MAF: variants seen among roughly 807,000 people sequenced by gnomAD.
The protein encoded by MAF is transcription factor Maf.
Under a neutral mutation model 22.0 loss-of-function variants are expected in MAF, and 10 were observed. The ratio of observed to expected loss-of-function variants is 0.45; its 90% confidence interval spans 0.28 to 0.77. The LOEUF is 0.77. Among genes scored for constraint, MAF ranks in the 30% least tolerant of loss-of-function variants. The probability of loss-of-function intolerance (pLI) is 0.12; values close to 1 mark genes in which losing one functional copy is unlikely to be tolerated. For synonymous variants in MAF, 337 were observed against 255.8 expected, an observed-to-expected ratio of 1.32 and a Z score of -3.03; for missense variants, 544 against 548.4, an observed-to-expected ratio of 0.99 and a Z score of 0.08.
chr16:79,334,988 C>A, the MAF span, among the ~76,000 whole-genome samples: 1 of 151,580 alleles, frequency 6.6e-6, no homozygotes, highest in African/African-American at 2.4e-5. Context: ...AGATTGAGAC[C>A]AGCCTGGCCA....
the MAF span, among the ~76,000 whole-genome samples, chr16:79,314,014 T>G: frequency 6.6e-6 from 1 of 152,166 alleles, no homozygotes; most frequent in African/African-American, 2.4e-5. Context: ...CAGCTTTTGG[T>G]GGACTGGTGA....
chr16:79,215,904 G>C, the MAF span, among the ~76,000 whole-genome samples: 1 of 152,150 alleles, frequency 6.6e-6, no homozygotes. Flanking sequence ...CGTAACAGTA[G>C]CGATTGCCCC....
the MAF span, among the ~76,000 whole-genome samples, chr16:79,465,650 C>T: frequency 3.3e-5 from 5 of 152,076 alleles, no homozygotes; most frequent in Admixed American, 6.6e-5. Context: ...CTTGTAAACA[C>T]ATATTATTAT....
the MAF span, among the ~76,000 whole-genome samples, chr16:79,425,650 A>G: frequency 6.1e-5 from 9 of 146,392 alleles, no homozygotes; most frequent in East Asian, 1.9e-3. Context: ...TCATATATGG[A>G]GCATCAATTT....
At chr16:79,212,157 A>G in the MAF span, 10 of 1,502,854 alleles carry the variant, frequency 6.7e-6, no homozygotes, top group Non-Finnish European at 8.8e-6. Context: ...CCATCCAGCT[A>G]CCACCACGGC....
the MAF span, chr16:79,204,025 C>G: frequency 3.9e-5 from 6 of 152,106 alleles, no homozygotes; most frequent in African/African-American, 1.4e-4. Flanking sequence ...CAGTGACATG[C>G]CATCAGATTT....
the MAF span, among the ~76,000 whole-genome samples, chr16:79,462,644 C>T: frequency 1.3e-5 from 2 of 152,204 alleles, no homozygotes; most frequent in Non-Finnish European, 2.9e-5. Context: ...TATACAAACA[C>T]ACTCACATAT....
the MAF span, among the ~76,000 whole-genome samples, chr16:79,416,862 A>G: frequency 1.3e-5 from 2 of 152,196 alleles, no homozygotes; most frequent in Non-Finnish European, 2.9e-5. Context: ...ATGAAGTGTT[A>G]TATAGTTTTA....
the MAF span, among the ~76,000 whole-genome samples, chr16:79,495,365 A>T: frequency 3.9e-5 from 6 of 152,264 alleles, no homozygotes; most frequent in South Asian, 1.0e-3. Flanking sequence ...CAGGAAGCTG[A>T]GGTAGGAGGA....
At chr16:79,211,919 AG>A in the MAF span, 3 of 1,543,664 alleles carry the variant, frequency 1.9e-6, no homozygotes, top group Non-Finnish European at 2.6e-6. Context: ...AGGAAATAAG[AG>A]CAGTCACAAC....
chr16:79,209,143 T>G, the MAF span, among the ~76,000 whole-genome samples: 1 of 152,202 alleles, frequency 6.6e-6, no homozygotes, highest in Admixed American at 6.5e-5. Flanking sequence ...GATAAAAAGT[T>G]AGGCTTTTCA....
At chr16:79,251,684 A>G in the MAF span, among the ~76,000 whole-genome samples, 1 of 152,168 alleles carries the variant, frequency 6.6e-6, no homozygotes, top group Non-Finnish European at 1.5e-5. Context: ...TCAATAAGTC[A>G]TATCAGGCTC....
In MAF at chr16:79,598,945, T is replaced by C. The variant is rs1435247084; in HGVS notation, c.958A>G (p.Lys320Glu). The change falls in exon 1 of 2, where the codon AAG (lysine) becomes GAG (glutamate). Residue 320 changes from lysine (K) to glutamate (E), a missense_variant. Coordinates refer to ENST00000326043, the MANE Select transcript of MAF (RefSeq NM_005360.5). The stretch of plus-strand genomic sequence containing the variant: ...TCGACTTGCTGCAGCAGCTGGTTCT[T>C]CTCCGACTCCAGGACGTGTCTCTGC... ...VQQRHVLESE[K>E]NQLLQQVDHL... The C allele has an allele frequency of 6.2e-7, 1 of 1,613,470 alleles. No homozygotes were observed. Among genetic ancestry groups the C allele is most frequent in the Non-Finnish European group, 8.5e-7 (1 of 1,179,888 alleles).
At chr16:79,316,351 C>G in the MAF span, among the ~76,000 whole-genome samples, 1 of 152,166 alleles carries the variant, frequency 6.6e-6, no homozygotes, top group African/African-American at 2.4e-5. Context: ...TCTATTCACC[C>G]ATAAATGGAG....
chr16:79,237,580 C>T, the MAF span, among the ~76,000 whole-genome samples: 24 of 152,074 alleles, frequency 1.6e-4, no homozygotes, highest in African/African-American at 5.1e-4. Context: ...AGTATGGAGA[C>T]GTGGAAATTC....
the MAF span, among the ~76,000 whole-genome samples, chr16:79,312,305 C>G: frequency 6.6e-6 from 1 of 152,218 alleles, no homozygotes; most frequent in African/African-American, 2.4e-5. Flanking sequence ...ATGTGCAAAA[C>G]AGACCTAATT....
chr16:79,535,586 C>CTTTTTTTTTTTTTTTTTTTTTTTTTT, the MAF span, among the ~76,000 whole-genome samples: 8 of 130,590 alleles, frequency 6.1e-5, 3 homozygotes, highest in Non-Finnish European at 9.3e-5. Context: ...ATTGCTTCTT[C>CTTTTTTTTTTTTTTTTTTTTTTTTTT]TTTTTTTTTT....
chr16:79,428,834 G>C, the MAF span, among the ~76,000 whole-genome samples: 4 of 137,556 alleles, frequency 2.9e-5, no homozygotes, highest in Non-Finnish European at 6.3e-5. Flanking sequence ...GAGAAAGCAA[G>C]ACCCTGTCTC....
At chr16:79,255,285 G>A in the MAF span, among the ~76,000 whole-genome samples, 3 of 152,152 alleles carry the variant, frequency 2.0e-5, no homozygotes, top group Non-Finnish European at 4.4e-5. Flanking sequence ...TGGCTGGCTC[G>A]ACCTGTCATG....
Sources: allele counts gnomAD v4.1 joint callset (sites outside exome capture counted in the v4.1 genomes callset), GRCh38; gene constraint gnomAD v4.1.1; transcripts MANE v1.5; gene names NCBI Gene and HGNC (gene_info 2026-07-23, HGNC 2026-07-21).